Variants in FAF2 observed in about 807,000 individuals in gnomAD.
FAF2 encodes FAS-associated factor 2.
FAF2 carries 9 observed loss-of-function variants against 62.3 expected under a neutral mutation model. That is an observed-to-expected ratio of 0.14 (90% CI 0.09 to 0.25). The LOEUF (loss-of-function observed/expected upper bound fraction) is 0.25, where lower values mean the gene tolerates loss of function less well. Among genes scored for constraint, FAF2 ranks in the 10% least tolerant of loss-of-function variants. The pLI, the probability that FAF2 is intolerant of heterozygous loss-of-function variation, is 1.00. For synonymous variants in FAF2, 202 were observed against 198.0 expected, an observed-to-expected ratio of 1.02 and a Z score of -0.17; for missense variants, 368 against 556.2, an observed-to-expected ratio of 0.66 and a Z score of 3.40.
chr5:176,454,577 GAAAAAAAAAAAAAAAAAAAAAA>G (rs56324116), intron 1 of FAF2, among the ~76,000 whole-genome samples: 28 of 95,326 alleles, frequency 2.9e-4, no homozygotes, highest in Non-Finnish European at 4.9e-4. Flanking sequence ...GATTCTGTCT[GAAAAAAAAAAAAAAAAAAAAAA>G]AAAAAAAAAA....
intron 1 of FAF2, among the ~76,000 whole-genome samples, chr5:176,471,571 C>T (rs1456575208): frequency 1.3e-5 from 2 of 151,294 alleles, no homozygotes; most frequent in Admixed American, 6.6e-5. Flanking sequence ...TTAGTAGAGA[C>T]GGGGTTTCAC....
intron 4 of FAF2, among the ~76,000 whole-genome samples, chr5:176,489,910 G>A (rs928104341): frequency 2.6e-5 from 4 of 152,102 alleles, no homozygotes; most frequent in African/African-American, 9.7e-5. Flanking sequence ...ACCCTTTTAT[G>A]TATATACCCA....
At chr5:176,479,004 G>C (rs938918371) in intron 1 of FAF2, among the ~76,000 whole-genome samples, 184 bp from the exon 2 acceptor site, 1 of 152,092 alleles carries the variant, frequency 6.6e-6, no homozygotes, top group African/African-American at 2.4e-5. Context: ...CATTTTTTTA[G>C]TTCTTTACGC....
At chr5:176,449,048 A>C (rs1758120186) in intron 1 of FAF2, among the ~76,000 whole-genome samples, 1 of 152,236 alleles carries the variant, frequency 6.6e-6, no homozygotes, top group African/African-American at 2.4e-5. Flanking sequence ...AAGTGTCATC[A>C]GTGGTCTGTC....
intron 1 of FAF2, among the ~76,000 whole-genome samples, chr5:176,468,970 C>T (rs975893803): frequency 1.4e-4 from 22 of 151,918 alleles, no homozygotes; most frequent in African/African-American, 4.3e-4. Flanking sequence ...TTAGGCTGGG[C>T]GTGGTGCCTC....
intron 1 of FAF2, among the ~76,000 whole-genome samples, chr5:176,461,725 G>A (rs1038704904): frequency 6.6e-6 from 1 of 151,876 alleles, no homozygotes; most frequent in African/African-American, 2.4e-5. Flanking sequence ...CAGATTCATA[G>A]TTTGCGAAGA....
rs528861136 is a variant in FAF2 at position 176,508,945 on chromosome 5, T to C, written c.*1995T>C. ...GGCTAGGTACACTGTCCACACCTCT[T>C]TGGGGAAGTTACGATTTTTTTTTTC... On this transcript the variant is annotated 3_prime_UTR_variant, in exon 11 of 11. Transcript: ENST00000261942. The C allele has an allele frequency of 6.6e-6, 1 of 152,188 alleles. No homozygotes were observed. Among genetic ancestry groups the C allele is most frequent in the East Asian group, 1.9e-4 (1 of 5,186 alleles). 9.4% of individuals were successfully genotyped at this position (152,188 alleles called of 1,614,324 possible).
chr5:176,475,277 G>A lies in FAF2; in HGVS notation c.64-3911G>A, dbSNP rs180711844. 1.8e-4 allele frequency among the ~76,000 whole-genome samples: 27 copies of A among 152,034 alleles called. No individual in the cohort carries two copies. In the East Asian group the frequency reaches 4.1e-3, roughly 23 times the overall value. ...TTCTTGAGTAGCTGGGACTACAGGC[G>A]CACCACCACACCCGGCTAATTTTTT... On this transcript the variant is annotated intron_variant, in intron 1 of 10. Transcript: ENST00000261942.
intron 2 of FAF2, among the ~76,000 whole-genome samples, chr5:176,482,093 C>T (rs1758790618): frequency 6.6e-6 from 1 of 152,084 alleles, no homozygotes; most frequent in Non-Finnish European, 1.5e-5. Context: ...TCCCTAGTGG[C>T]TAAAATGATG....
chr5:176,467,903 AC>A (rs1758499814), intron 1 of FAF2, among the ~76,000 whole-genome samples: 1 of 152,204 alleles, frequency 6.6e-6, no homozygotes, highest in African/African-American at 2.4e-5. Flanking sequence ...GGTGGCTCAC[AC>A]CTGTCATCCC....
chr5:176,488,911 A>G (rs1758922415), intron 3 of FAF2, 40 bp from the exon 4 acceptor site: 6 of 1,488,436 alleles, frequency 4.0e-6, no homozygotes, highest in African/African-American at 1.4e-5. Flanking sequence ...AATATTAGGG[A>G]TTGAGAGAAT....
intron 1 of FAF2, chr5:176,453,254 C>T (rs1758218981): frequency 1.3e-5 from 2 of 152,176 alleles, no homozygotes. Context: ...CTTTTATTGG[C>T]GTTCATTTTC....
chr5:176,495,225 T>C (rs2113743306), intron 7 of FAF2, among the ~76,000 whole-genome samples: 1 of 152,302 alleles, frequency 6.6e-6, no homozygotes, highest in African/African-American at 2.4e-5. Context: ...GAGTTTATAT[T>C]AGCATGCCAC....
At chr5:176,458,055 TTC>T (rs1758306898) in intron 1 of FAF2, among the ~76,000 whole-genome samples, 3 of 152,136 alleles carry the variant, frequency 2.0e-5, no homozygotes, top group African/African-American at 4.8e-5. Context: ...AATATTTCTA[TTC>T]TCTTTCTCTT....
chr5:176,490,708 T>C (rs1230364104), intron 4 of FAF2, among the ~76,000 whole-genome samples: 1 of 152,172 alleles, frequency 6.6e-6, no homozygotes, highest in Non-Finnish European at 1.5e-5. Context: ...CCATCCCCAT[T>C]TTATTTAAGA....
At chr5:176,457,653 GGTGTGT>G (rs34549094) in intron 1 of FAF2, among the ~76,000 whole-genome samples, 6 of 149,986 alleles carry the variant, frequency 4.0e-5, no homozygotes, top group Admixed American at 1.3e-4. Flanking sequence ...TGTTTTCAGG[GGTGTGT>G]GTGTGTGTGT....
rs1755736910 is a variant in FAF2 at position 176,509,210 on chromosome 5, G to A, written c.*2260G>A. 1 of 152,166 alleles carries A rather than the reference G, an allele frequency of 6.6e-6. No individual in the cohort carries two copies. Among genetic ancestry groups the A allele is most frequent in the African/African-American group, 2.4e-5 (1 of 41,422 alleles). The allele number at this position is 152,166 out of a possible 1,614,324, so 9.4% of individuals were successfully genotyped here. On this transcript the variant is annotated 3_prime_UTR_variant, in exon 11 of 11. Transcript: ENST00000261942. ...TCTGCTTTACTGAGACCCTAGGCCG[G>A]TCTCCTTGCTGACCCTAGCGCTGCT...
chr5:176,493,549 A>T (rs1759011979), intron 5 of FAF2, among the ~76,000 whole-genome samples: 3 of 152,296 alleles, frequency 2.0e-5, no homozygotes, highest in Middle Eastern at 3.4e-3. Context: ...TTCCTACTCG[A>T]TATGTGGCCT....
At chr5:176,448,690 G>T (rs1283840659) in intron 1 of FAF2, among the ~76,000 whole-genome samples, 2 of 151,828 alleles carry the variant, frequency 1.3e-5, no homozygotes, top group Non-Finnish European at 2.9e-5. Context: ...CCTCGTCTGT[G>T]CCTCTGTGCC....
Sources: allele counts gnomAD v4.1 joint callset (sites outside exome capture counted in the v4.1 genomes callset), GRCh38; gene constraint gnomAD v4.1.1; transcripts MANE v1.5; gene names NCBI Gene and HGNC (gene_info 2026-07-23, HGNC 2026-07-21).